The following FMN1 variants were observed in gnomAD, a reference collection of about 807,000 sequenced individuals.
FMN1 encodes the protein formin 1, also known as formin-1.
FMN1 carries 110 observed loss-of-function variants against 132.4 expected under a neutral mutation model. The ratio of observed to expected loss-of-function variants is 0.83; its 90% CI spans 0.71 to 0.97. The LOEUF is 0.97. Among genes scored for constraint, FMN1 ranks in the 50% least tolerant of loss-of-function variants. The pLI, the probability that FMN1 is intolerant of heterozygous loss-of-function variation, is 0.00. For missense variants in FMN1, 1,792 were observed against 1,705.3 expected, an observed-to-expected ratio of 1.05 and a Z score of -0.90; for synonymous variants, 722 against 651.7, an observed-to-expected ratio of 1.11 and a Z score of -1.64.
intron 7 of FMN1, among the ~76,000 whole-genome samples, chr15:32,987,224 A>G (rs750858538): frequency 2.0e-5 from 3 of 152,190 alleles, no homozygotes; most frequent in Non-Finnish European, 4.4e-5. Context: ...GGTCAGCTGT[A>G]TAACATCCAC....
At chr15:33,186,497 A>T (rs148695146) in intron 2 of FMN1, among the ~76,000 whole-genome samples, 1,553 of 152,344 alleles carry the variant, frequency 0.01, 17 homozygotes, top group African/African-American at 0.025. Flanking sequence ...CTCAAAAAAA[A>T]AAATAAATAA....
intron 19 of FMN1, among the ~76,000 whole-genome samples, chr15:32,780,674 T>C (rs1039480051): frequency 3.3e-5 from 5 of 152,166 alleles, no homozygotes; most frequent in African/African-American, 7.2e-5. Context: ...GGGGTCTGGA[T>C]TGGGACCACT....
intron 17 of FMN1, among the ~76,000 whole-genome samples, chr15:32,834,107 C>T (rs892542669): frequency 2.0e-5 from 3 of 152,234 alleles, no homozygotes; most frequent in African/African-American, 7.2e-5. Flanking sequence ...TGGACCCTAG[C>T]ATGCCTGTTT....
At chr15:32,855,364 C>T (rs2059108123) in intron 17 of FMN1, among the ~76,000 whole-genome samples, 1 of 151,958 alleles carries the variant, frequency 6.6e-6, no homozygotes, top group Non-Finnish European at 1.5e-5. Flanking sequence ...ACCTTTACTT[C>T]CCTGTCATAA....
intron 5 of FMN1, among the ~76,000 whole-genome samples, chr15:33,084,581 G>A (rs1261814399): frequency 1.3e-5 from 2 of 152,124 alleles, no homozygotes; most frequent in Non-Finnish European, 1.5e-5. Context: ...TGAAAAACAC[G>A]TACACTTGGG....
chr15:32,831,098 C>T (rs571567620), intron 17 of FMN1, among the ~76,000 whole-genome samples: 27 of 152,214 alleles, frequency 1.8e-4, no homozygotes, highest in African/African-American at 6.0e-4. Flanking sequence ...TCAATTTCCT[C>T]CTTTGTAAAA....
intron 17 of FMN1, among the ~76,000 whole-genome samples, chr15:32,855,499 C>T (rs2059111287): frequency 6.6e-6 from 1 of 152,132 alleles, no homozygotes; most frequent in African/African-American, 2.4e-5. Context: ...TTCCAAGGTA[C>T]CAAAGAAGAT....
chr15:33,008,207 A>T, intron 6 of FMN1, 132 bp from the exon 7 acceptor site: 1 of 714,110 alleles, frequency 1.4e-6, no homozygotes, highest in Non-Finnish European at 2.3e-6. Context: ...AAGAGATGTT[A>T]AAAATTACAG....
intron 2 of FMN1, among the ~76,000 whole-genome samples, chr15:33,183,887 G>C (rs1174370397): frequency 6.6e-6 from 1 of 152,080 alleles, no homozygotes; most frequent in African/African-American, 2.4e-5. Context: ...AAAGTCAACT[G>C]ATACTGTCTA....
chr15:32,905,987 T>C (rs1024853691), intron 12 of FMN1, among the ~76,000 whole-genome samples: 1 of 152,208 alleles, frequency 6.6e-6, no homozygotes, highest in Non-Finnish European at 1.5e-5. Flanking sequence ...GTTTGCGTGT[T>C]CACGAAGCCA....
In FMN1 at chr15:32,969,250, T is replaced by C. The variant is rs1352570206; in HGVS notation, c.2451A>G (p.Glu817=). 1 of 1,613,978 alleles carries C rather than the reference T, an allele frequency of 6.2e-7. No homozygotes were observed. Among genetic ancestry groups the C allele is most frequent in the South Asian group, 1.1e-5 (1 of 91,082 alleles). ...TDRETFLKPC[E]SESKTTRSNQ... is the part of the protein sequence containing the mutation. ...TACTTCTGGTTGTCTTGCTTTCACT[T>C]TCACAGGGCTTGAGGAAGGTCTCTC... Residue 817 remains glutamate, a synonymous_variant, in exon 8 of 21, where the codon GAA becomes GAG. Transcript: ENST00000616417.
At chr15:33,122,119 T>A (rs1440329527) in intron 4 of FMN1, among the ~76,000 whole-genome samples, 1 of 152,194 alleles carries the variant, frequency 6.6e-6, no homozygotes. Context: ...ACTTTTACAG[T>A]TAACTACACA....
chr15:32,845,778 T>C (rs1310188814), intron 17 of FMN1, among the ~76,000 whole-genome samples: 2 of 152,106 alleles, frequency 1.3e-5, no homozygotes, highest in Non-Finnish European at 2.9e-5. Flanking sequence ...AGGAAGGAAA[T>C]TTTCAGTATA....
intron 2 of FMN1, among the ~76,000 whole-genome samples, chr15:33,184,652 C>A (rs575636698): frequency 6.6e-6 from 1 of 151,904 alleles, no homozygotes; most frequent in African/African-American, 2.4e-5. Context: ...TACAGGCGGG[C>A]GCCACCACAC....
chr15:33,177,020 C>T (rs1050812362), intron 3 of FMN1, among the ~76,000 whole-genome samples: 1 of 152,200 alleles, frequency 6.6e-6, no homozygotes, highest in Non-Finnish European at 1.5e-5. Context: ...TCACTCACCA[C>T]GTACTGGCCA....
chr15:32,797,415 G>A (rs1205099618), intron 19 of FMN1, among the ~76,000 whole-genome samples: 4 of 152,188 alleles, frequency 2.6e-5, no homozygotes, highest in Admixed American at 2.6e-4. Context: ...AGACTGGCCA[G>A]CTCCTATGCT....
chr15:32,959,872 T>C (rs1285947543), intron 9 of FMN1, among the ~76,000 whole-genome samples: 1 of 152,180 alleles, frequency 6.6e-6, no homozygotes, highest in African/African-American at 2.4e-5. Flanking sequence ...GTAATAGCAA[T>C]CTAAGAAGCA....
chr15:32,796,137 C>T (rs2057283103), intron 19 of FMN1, among the ~76,000 whole-genome samples: 1 of 152,208 alleles, frequency 6.6e-6, no homozygotes. Context: ...TTGTATCAAA[C>T]TAATGTGTAC....
intron 5 of FMN1, chr15:33,068,132 G>T: frequency 2.4e-6 from 2 of 840,332 alleles, no homozygotes; most frequent in Non-Finnish European, 3.3e-6. Flanking sequence ...AGCAGCCGAG[G>T]CTGCGCACCT....
Sources: allele counts gnomAD v4.1 joint callset (sites outside exome capture counted in the v4.1 genomes callset), GRCh38; gene constraint gnomAD v4.1.1; transcripts MANE v1.5; gene names NCBI Gene and HGNC (gene_info 2026-07-23, HGNC 2026-07-21).